DNER: variants seen among roughly 807,000 people sequenced by gnomAD.
DNER encodes delta/notch like EGF repeat containing, also known as delta and Notch-like epidermal growth factor-related receptor.
In DNER, 33 loss-of-function variants were observed where a neutral mutation model predicts 78.2. The observed-to-expected ratio is 0.42, with a 90% CI of 0.32 to 0.56. The LOEUF (loss-of-function observed/expected upper bound fraction) is 0.56. DNER is among the 20% of genes least tolerant of loss of function. DNER has a pLI of 0.11. For synonymous variants in DNER, 417 were observed against 384.8 expected (o/e 1.08, Z -0.98); for missense variants, 918 against 975.3 (o/e 0.94, Z 0.78).
chr2:229,434,422 C>T lies in DNER; in HGVS notation c.1486+12894G>A, dbSNP rs1453150932. 2.0e-5 allele frequency among the ~76,000 whole-genome samples: 3 copies of T among 152,224 alleles called. No homozygotes were observed. The East Asian group carries it at 5.8e-4, about 29-fold the overall frequency. On this transcript the variant is annotated intron_variant, in intron 8 of 12. Transcript: ENST00000341772. The stretch of plus-strand genomic sequence containing the variant: ...ACAAATGCCCAAGGGCTGAAGCTGA[C>T]AGTCAGGACTTCAGCTAAAGAATTT...
At chr2:229,449,135 T>C (rs1027804778) in intron 7 of DNER, among the ~76,000 whole-genome samples, 2 of 152,198 alleles carry the variant, frequency 1.3e-5, no homozygotes. Context: ...ACTAAAAATG[T>C]ACCATACAAT....
At chr2:229,443,354 G>C (rs930316234) in intron 8 of DNER, among the ~76,000 whole-genome samples, 9 of 152,080 alleles carry the variant, frequency 5.9e-5, no homozygotes, top group African/African-American at 2.2e-4. Flanking sequence ...CCACCTGCAG[G>C]GGAAATGGCA....
In DNER at chr2:229,370,128, A is replaced by G. The variant is rs998464916; in HGVS notation, c.1856-3009T>C. On this transcript the variant is annotated intron_variant, in intron 11 of 12. Transcript: ENST00000341772. ...CTGTATCTTCAGTCATCATAGATCT[A>G]AGAATCACAATTAGCTATTCCTTAC... is the stretch of plus-strand genomic sequence containing the variant. 3.3e-5 allele frequency among the ~76,000 whole-genome samples: 5 copies of G among 152,194 alleles called. No homozygotes were observed. The South Asian group carries it at 1.0e-3, about 32-fold the overall frequency.
chr2:229,415,162 CAA>C (rs59973085), intron 9 of DNER, among the ~76,000 whole-genome samples: 78 of 149,032 alleles, frequency 5.2e-4, no homozygotes, highest in African/African-American at 1.4e-3. Context: ...AACTCCATCA[CAA>C]AAAAAAAAAG....
intron 11 of DNER, among the ~76,000 whole-genome samples, chr2:229,377,020 G>A (rs1378822305): frequency 6.6e-6 from 1 of 152,154 alleles, no homozygotes; most frequent in Admixed American, 6.5e-5. Context: ...GCCCCAGGAT[G>A]AGTTACTTTC....
intron 1 of DNER, among the ~76,000 whole-genome samples, chr2:229,622,521 G>A (rs185881375): frequency 2.6e-5 from 4 of 152,226 alleles, no homozygotes; most frequent in East Asian, 1.9e-4. Context: ...GAGTCAGCAC[G>A]GGAATGCAGA....
In DNER at chr2:229,544,253, G is replaced by C. The variant is rs1291988532; in HGVS notation, c.993+2694C>G. The stretch of plus-strand genomic sequence containing the variant: ...GAGCAGACTGGTCCAAAGTGGCATA[G>C]ACAGGAGGGCACAGGATGTAAAGGG... On this transcript the variant is annotated intron_variant, in intron 5 of 12. Coordinates refer to ENST00000341772, the MANE Select transcript of DNER (RefSeq NM_139072.4). Among the ~76,000 whole-genome samples, 6 of 152,104 alleles carry C rather than the reference G, an allele frequency of 3.9e-5. No homozygotes were observed. The South Asian group carries it at 1.2e-3, about 32-fold the overall frequency.
At chr2:229,539,549 T>TTC in intron 5 of DNER, among the ~76,000 whole-genome samples, 1 of 152,234 alleles carries the variant, frequency 6.6e-6, no homozygotes, top group East Asian at 1.9e-4. Flanking sequence ...ACCGTTTACT[T>TTC]TCCATGCTCC....
chr2:229,505,959 G>T (rs1314487917), intron 6 of DNER, among the ~76,000 whole-genome samples: 1 of 152,042 alleles, frequency 6.6e-6, no homozygotes, highest in Non-Finnish European at 1.5e-5. Context: ...ACAAGTGTGG[G>T]GCTATAAAAT....
chr2:229,364,241 C>T (rs888338448), intron 12 of DNER, among the ~76,000 whole-genome samples: 1 of 151,964 alleles, frequency 6.6e-6, no homozygotes, highest in Non-Finnish European at 1.5e-5. Flanking sequence ...GCTGGGGCCA[C>T]TTACTGAGTT....
rs138239542 is a variant in DNER, at chr2:229,393,643, C to T, written c.1724-5247G>A. 8.2e-3 allele frequency among the ~76,000 whole-genome samples: 1,239 copies of T among 151,620 alleles called. 7 individuals are homozygous for T. Among genetic ancestry groups the T allele is most frequent in the Non-Finnish European group, 9.8e-3 (667 of 67,842 alleles). ...TGGGTGGATCACGAGGTCAGGAGATCGAGACCATCCTGGCTAACACGGTGA... is the reference window on the plus strand; with the variant it reads ...TGGGTGGATCACGAGGTCAGGAGATTGAGACCATCCTGGCTAACACGGTGA... On this transcript the variant is annotated intron_variant, in intron 10 of 12. Coordinates refer to ENST00000341772, the MANE Select transcript of DNER (RefSeq NM_139072.4).
intron 6 of DNER, among the ~76,000 whole-genome samples, chr2:229,480,922 T>C (rs1257700779): frequency 6.6e-6 from 1 of 152,232 alleles, no homozygotes; most frequent in African/African-American, 2.4e-5. Flanking sequence ...CATATTGACA[T>C]GTCTGTGGGT....
intron 1 of DNER, among the ~76,000 whole-genome samples, chr2:229,692,850 A>G (rs1396126424): frequency 6.6e-6 from 1 of 151,984 alleles, no homozygotes; most frequent in Admixed American, 6.6e-5. Flanking sequence ...AAGGATGAGC[A>G]GATAGCTGTT....
intron 8 of DNER, among the ~76,000 whole-genome samples, chr2:229,418,824 G>A (rs1693704087): frequency 6.6e-6 from 1 of 152,076 alleles, no homozygotes; most frequent in South Asian, 2.1e-4. Context: ...AGTAGGCTGA[G>A]GCAGGAGAAT....
intron 1 of DNER, among the ~76,000 whole-genome samples, chr2:229,666,611 G>A (rs1699096650): frequency 6.6e-6 from 1 of 152,074 alleles, no homozygotes; most frequent in Non-Finnish European, 1.5e-5. Context: ...GAACTCAAAG[G>A]AAATTTCCAC....
At chr2:229,401,012 C>A (rs1271250807) in intron 10 of DNER, among the ~76,000 whole-genome samples, 2 of 151,900 alleles carry the variant, frequency 1.3e-5, no homozygotes, top group African/African-American at 4.8e-5. Flanking sequence ...AGAAAATGGA[C>A]AAAAGACAGA....
rs187085938 is a variant in DNER, at chr2:229,703,537, A to C, written c.276+10611T>G. The stretch of plus-strand genomic sequence containing the variant: ...CAAACCATAAAAGAAAAAATGGACC[A>C]ATCAGACTTCATTGGTCTCTAAAAC... On this transcript the variant is annotated intron_variant, in intron 1 of 12. Coordinates refer to ENST00000341772, the MANE Select transcript of DNER (RefSeq NM_139072.4). 2.7e-3 allele frequency among the ~76,000 whole-genome samples: 404 copies of C among 152,292 alleles called. 2 individuals carry two copies. The highest frequency in any genetic ancestry group is 9.3e-3 in the African/African-American group (386 of 41,558).
intron 11 of DNER, among the ~76,000 whole-genome samples, chr2:229,374,867 TTG>T (rs1444522719): frequency 2.0e-5 from 3 of 152,214 alleles, no homozygotes; most frequent in Non-Finnish European, 4.4e-5. Context: ...TTGTGTGTGT[TTG>T]TGTGTATATT....
At chr2:229,437,423 G>A (rs999075495) in intron 8 of DNER, among the ~76,000 whole-genome samples, 2 of 152,172 alleles carry the variant, frequency 1.3e-5, no homozygotes, top group African/African-American at 4.8e-5. Context: ...GAAAACAATG[G>A]AAGAAATACA....
Sources: gnomAD v4.1 joint callset for allele counts (sites outside exome capture counted in the v4.1 genomes callset) on GRCh38, gnomAD v4.1.1 for gene constraint, MANE v1.5 for transcripts, NCBI Gene and HGNC (gene_info 2026-07-23, HGNC 2026-07-21) for gene names.